The following TTLL11 variants were observed in gnomAD, a reference collection of about 807,000 sequenced individuals.
The protein encoded by TTLL11 is tubulin polyglutamylase TTLL11.
TTLL11 carries 42 observed loss-of-function variants against 51.7 expected under a neutral mutation model. The ratio of observed to expected loss-of-function variants is 0.81; its 90% CI spans 0.64 to 1.05. The LOEUF is 1.05. TTLL11 is among the 50% of genes least tolerant of loss of function. The pLI is 0.00. For missense variants in TTLL11, 799 were observed against 940.4 expected (o/e 0.85, Z 1.97); for synonymous variants, 381 against 383.5 (o/e 0.99, Z 0.08).
intron 6 of TTLL11, among the ~76,000 whole-genome samples, chr9:121,896,673 C>T (rs1042693312): frequency 6.6e-6 from 1 of 152,186 alleles, no homozygotes; most frequent in African/African-American, 2.4e-5. Flanking sequence ...AGTGCGGGGT[C>T]CTGGCGGCGG....
At chr9:121,845,687 G>T (rs557668381) in intron 8 of TTLL11, among the ~76,000 whole-genome samples, 42 of 152,138 alleles carry the variant, frequency 2.8e-4, no homozygotes, top group Admixed American at 2.3e-3. Context: ...CTGTTAAAGG[G>T]GTATAGTGTT....
At chr9:121,860,700 T>C (rs1298092935) in intron 7 of TTLL11, among the ~76,000 whole-genome samples, 1 of 152,200 alleles carries the variant, frequency 6.6e-6, no homozygotes, top group Non-Finnish European at 1.5e-5. Flanking sequence ...CTCTCCACCA[T>C]GTGAACATAG....
intron 1 of TTLL11, among the ~76,000 whole-genome samples, chr9:122,043,060 G>A (rs1287861026): frequency 6.6e-6 from 1 of 152,140 alleles, no homozygotes; most frequent in Non-Finnish European, 1.5e-5. Context: ...AGCACCAAGA[G>A]TGAAGAGTAA....
chr9:121,880,629 C>A (rs968137354), intron 6 of TTLL11, among the ~76,000 whole-genome samples: 2 of 152,140 alleles, frequency 1.3e-5, no homozygotes, highest in African/African-American at 4.8e-5. Flanking sequence ...CTGCTTAATG[C>A]CTATTTCTTT....
At chr9:121,958,897 G>A (rs1001891312) in intron 6 of TTLL11, among the ~76,000 whole-genome samples, 1 of 152,116 alleles carries the variant, frequency 6.6e-6, no homozygotes, top group African/African-American at 2.4e-5. Context: ...TGGAGAAGCA[G>A]GTGCTCTAGG....
chr9:121,838,755 A>C (rs1470300426), intron 8 of TTLL11, among the ~76,000 whole-genome samples: 1 of 150,748 alleles, frequency 6.6e-6, no homozygotes, highest in Non-Finnish European at 1.5e-5. Flanking sequence ...AGAGAAAGAA[A>C]GAGAGAAAGC....
intron 8 of TTLL11, among the ~76,000 whole-genome samples, chr9:121,827,995 C>T (rs1286878791): frequency 1.3e-5 from 2 of 152,134 alleles, no homozygotes; most frequent in Non-Finnish European, 2.9e-5. Flanking sequence ...CTGGGGCTTT[C>T]GCCTTCCTTA....
At chr9:121,927,797 C>A (rs1840796052) in intron 6 of TTLL11, among the ~76,000 whole-genome samples, 1 of 152,080 alleles carries the variant, frequency 6.6e-6, no homozygotes, top group African/African-American at 2.4e-5. Flanking sequence ...TATTAATTTC[C>A]ATTTATTCAG....
chr9:121,945,728 T>C (rs943953894), intron 6 of TTLL11, among the ~76,000 whole-genome samples: 1 of 152,186 alleles, frequency 6.6e-6, no homozygotes, highest in Non-Finnish European at 1.5e-5. Context: ...GGAGAGAAAA[T>C]TTATTTTAAA....
At chr9:122,039,673 G>T (rs975913016) in intron 1 of TTLL11, among the ~76,000 whole-genome samples, 1 of 152,068 alleles carries the variant, frequency 6.6e-6, no homozygotes, top group African/African-American at 2.4e-5. Flanking sequence ...CTCCCATTTT[G>T]CTGATTCAAA....
chr9:121,998,636 C>T (rs1843363374), intron 3 of TTLL11, among the ~76,000 whole-genome samples: 1 of 151,786 alleles, frequency 6.6e-6, no homozygotes, highest in South Asian at 2.1e-4. Context: ...TTTTGCAACA[C>T]TCAAACAAGG....
At chr9:122,050,579 C>A (rs936429668) in intron 1 of TTLL11, among the ~76,000 whole-genome samples, 1 of 152,172 alleles carries the variant, frequency 6.6e-6, no homozygotes, top group African/African-American at 2.4e-5. Context: ...CCAAGATGGT[C>A]CCCAGTGATC....
At chr9:121,990,786 C>A (rs140393391) in intron 3 of TTLL11, among the ~76,000 whole-genome samples, 1 of 152,150 alleles carries the variant, frequency 6.6e-6, no homozygotes, top group Non-Finnish European at 1.5e-5. Context: ...AAGATCCCGT[C>A]GTCCACAGTA....
chr9:121,835,337 G>A (rs575669064), intron 8 of TTLL11, among the ~76,000 whole-genome samples: 2 of 152,162 alleles, frequency 1.3e-5, no homozygotes, highest in South Asian at 2.1e-4. Flanking sequence ...CCTGCCCAAG[G>A]TCACACTCCA....
Sources: allele counts gnomAD v4.1 joint callset (sites outside exome capture counted in the v4.1 genomes callset), GRCh38; gene constraint gnomAD v4.1.1; transcripts MANE v1.5; gene names NCBI Gene and HGNC (gene_info 2026-07-23, HGNC 2026-07-21).